The following PDE4D variants were observed in gnomAD, a reference collection of about 807,000 sequenced individuals.
PDE4D encodes the protein 3',5'-cyclic-AMP phosphodiesterase 4D.
A neutral mutation model predicts 87.4 loss-of-function variants in PDE4D; 24 were observed. That is an observed-to-expected ratio of 0.27 (90% CI 0.20 to 0.39). The LOEUF is 0.39. PDE4D is among the 10% of genes least tolerant of loss of function. The pLI, the probability that PDE4D is intolerant of heterozygous loss-of-function variation, is 1.00. For missense variants in PDE4D, 714 were observed against 1,041.0 expected (o/e 0.69, Z 4.32); for synonymous variants, 384 against 383.2 (o/e 1.00, Z -0.02).
At chr5:60,446,475 GA>G (rs1175459371) in intron 1 of PDE4D, among the ~76,000 whole-genome samples, 1 of 152,050 alleles carries the variant, frequency 6.6e-6, no homozygotes, top group Non-Finnish European at 1.5e-5. Flanking sequence ...AAATGGGGGG[GA>G]AAACAGACTT....
At chr5:59,318,057 A>T (rs1164236707) in intron 1 of PDE4D, among the ~76,000 whole-genome samples, 1 of 152,154 alleles carries the variant, frequency 6.6e-6, no homozygotes, top group African/African-American at 2.4e-5. Flanking sequence ...AGAAGCATGG[A>T]GTAATTGACT....
chr5:59,667,473 C>T (rs1230139968), intron 1 of PDE4D, among the ~76,000 whole-genome samples: 1 of 152,146 alleles, frequency 6.6e-6, no homozygotes, highest in East Asian at 1.9e-4. Context: ...CATTACTTTG[C>T]TTCCAAGTTA....
chr5:60,436,558 A>C (rs1170120026), intron 1 of PDE4D, among the ~76,000 whole-genome samples: 4 of 152,112 alleles, frequency 2.6e-5, no homozygotes, highest in Admixed American at 6.6e-5. Context: ...GATTAAGATC[A>C]AGAATTCATT....
chr5:60,033,556 A>G (rs935345527), intron 2 of PDE4D, among the ~76,000 whole-genome samples: 2 of 152,236 alleles, frequency 1.3e-5, no homozygotes, highest in Non-Finnish European at 1.5e-5. Context: ...TAGCTACACA[A>G]TCTCACTATT....
chr5:59,068,333 GTA>G (rs964451284), intron 5 of PDE4D, among the ~76,000 whole-genome samples: 3 of 152,018 alleles, frequency 2.0e-5, no homozygotes, highest in Admixed American at 2.0e-4. Context: ...TTTTTTTTAA[GTA>G]TTTTTTGTTA....
intron 1 of PDE4D, among the ~76,000 whole-genome samples, chr5:59,722,352 C>T (rs1456797130): frequency 1.3e-5 from 2 of 152,146 alleles, no homozygotes; most frequent in Non-Finnish European, 2.9e-5. Flanking sequence ...GATGAACAAC[C>T]TGAATTTAAA....
At chr5:59,810,651 C>A (rs980987616) in intron 1 of PDE4D, among the ~76,000 whole-genome samples, 1 of 152,206 alleles carries the variant, frequency 6.6e-6, no homozygotes. Flanking sequence ...CCTTCCAGGT[C>A]CACCAGCCTC....
At chr5:59,890,216 C>A (rs1199464395) in intron 1 of PDE4D, among the ~76,000 whole-genome samples, 1 of 151,310 alleles carries the variant, frequency 6.6e-6, no homozygotes, top group Non-Finnish European at 1.5e-5. Context: ...ACTATTTAAA[C>A]CCCCCATTTG....
At chr5:60,489,101 G>T (rs562805685), upstream of PDE4D, among the ~76,000 whole-genome samples, 1 of 152,056 alleles carries the variant, frequency 6.6e-6, no homozygotes, top group Non-Finnish European at 1.5e-5. Flanking sequence ...ACTAAAATAA[G>T]AAAGCAAAAA....
intron 1 of PDE4D, among the ~76,000 whole-genome samples, chr5:60,266,838 G>T (rs1440393561): frequency 2.0e-5 from 3 of 152,182 alleles, no homozygotes; most frequent in Non-Finnish European, 4.4e-5. Context: ...TGCATTCCAG[G>T]CTCAACCAAA....
In PDE4D at chr5:59,978,638, C is replaced by A. The variant is rs1298142833; in HGVS notation, c.272+9850G>T. 2.6e-5 allele frequency among the ~76,000 whole-genome samples: 4 copies of A among 152,300 alleles called. No homozygotes were observed. In the East Asian group the frequency reaches 7.7e-4, roughly 29 times the overall value. On this transcript the variant is annotated intron_variant, in intron 3 of 16. Transcript: ENST00000502484. ...TATATAAACTTAGTAGATAAACCAG[C>A]AGCAGCGTTTAAGAGGATTGACTCC... is the stretch of plus-strand genomic sequence containing the variant.
intron 3 of PDE4D, among the ~76,000 whole-genome samples, chr5:59,936,687 C>T (rs1756618953): frequency 6.6e-6 from 1 of 152,154 alleles, no homozygotes. Context: ...AAGCAGTAGT[C>T]ACATCCAATC....
intron 1 of PDE4D, among the ~76,000 whole-genome samples, chr5:59,631,943 T>C (rs1040498818): frequency 6.6e-6 from 1 of 152,304 alleles, no homozygotes; most frequent in African/African-American, 2.4e-5. Context: ...CAAGGGGTCT[T>C]GCTCAGTGAA....
At chr5:59,024,143 C>T (rs908780449) in intron 6 of PDE4D, among the ~76,000 whole-genome samples, 36 of 150,508 alleles carry the variant, frequency 2.4e-4, no homozygotes, top group Admixed American at 6.0e-4. Context: ...CTCATGTGAT[C>T]GACCTCCCAA....
At chr5:59,629,965 T>C (rs1289096785) in intron 1 of PDE4D, among the ~76,000 whole-genome samples, 1 of 152,232 alleles carries the variant, frequency 6.6e-6, no homozygotes. Flanking sequence ...TCTGATTCAA[T>C]GACAATGAAA....
intron 5 of PDE4D, among the ~76,000 whole-genome samples, chr5:59,088,472 A>G (rs1768112147): frequency 6.6e-6 from 1 of 152,190 alleles, no homozygotes; most frequent in Non-Finnish European, 1.5e-5. Context: ...AGGAATATAA[A>G]TCATTCTATT....
At chr5:59,705,919 T>C (rs1451263827) in intron 1 of PDE4D, among the ~76,000 whole-genome samples, 1 of 152,138 alleles carries the variant, frequency 6.6e-6, no homozygotes, top group Non-Finnish European at 1.5e-5. Context: ...TGGTCTGTAT[T>C]TGAATCCTAG....
At chr5:59,128,662 CTT>C (rs942693239) in intron 5 of PDE4D, among the ~76,000 whole-genome samples, 8 of 152,190 alleles carry the variant, frequency 5.3e-5, no homozygotes, top group Non-Finnish European at 8.8e-5. Flanking sequence ...TCTGACCAAT[CTT>C]TGACACAAAC....
At chr5:60,180,837 C>A (rs1784321394) in intron 2 of PDE4D, among the ~76,000 whole-genome samples, 1 of 152,160 alleles carries the variant, frequency 6.6e-6, no homozygotes, top group Non-Finnish European at 1.5e-5. Context: ...TTACCTACAG[C>A]ATCTCCCGTG....
Sources: gnomAD v4.1 joint callset for allele counts (sites outside exome capture counted in the v4.1 genomes callset) on GRCh38, gnomAD v4.1.1 for gene constraint, MANE v1.5 for transcripts, NCBI Gene and HGNC (gene_info 2026-07-23, HGNC 2026-07-21) for gene names.